Variants in MARCHF8 observed in about 807,000 individuals in gnomAD.
The protein encoded by MARCHF8 is E3 ubiquitin-protein ligase MARCHF8.
MARCHF8 carries 40 observed loss-of-function variants against 51.6 expected under a neutral mutation model. The observed-to-expected ratio is 0.77, with a 90% CI of 0.60 to 1.01. MARCHF8 has a LOEUF of 1.01. MARCHF8 is among the 50% of genes least tolerant of loss of function. The pLI, the probability that MARCHF8 is intolerant of heterozygous loss-of-function variation, is 0.00. For synonymous variants in MARCHF8, 263 were observed against 280.3 expected (o/e 0.94, Z 0.62); for missense variants, 685 against 708.6 (o/e 0.97, Z 0.38).
intron 1 of MARCHF8, among the ~76,000 whole-genome samples, chr10:45,580,784 T>C (rs1480815729): frequency 3.9e-5 from 6 of 152,116 alleles, no homozygotes; most frequent in Non-Finnish European, 1.5e-5. Flanking sequence ...ATTAGTATTG[T>C]GCGCTAGGAC....
Position 45,555,728 on chromosome 10 carries a change from T to G in MARCHF8, c.-78-22439A>C, listed in dbSNP as rs576422430. 2.7e-5 allele frequency among the ~76,000 whole-genome samples: 4 copies of G among 146,776 alleles called. No individual in the cohort carries two copies. In the East Asian group the frequency reaches 7.9e-4, roughly 29 times the overall value. On this transcript the variant is annotated intron_variant, in intron 1 of 6. Coordinates refer to the MARCHF8 transcript ENST00000319836. ...CACTGCACTCCAGCCTGAGCGACATTGTAAGACCCTGTCTCAAAAAAAAAA... is the reference window on the plus strand; with the variant it reads ...CACTGCACTCCAGCCTGAGCGACATGGTAAGACCCTGTCTCAAAAAAAAAA...
chr10:45,510,305 T>A (rs1471226265), intron 2 of MARCHF8, among the ~76,000 whole-genome samples: 1 of 152,144 alleles, frequency 6.6e-6, no homozygotes, highest in African/African-American at 2.4e-5. Context: ...CTATGGTATT[T>A]TCTTATGGCA....
chr10:45,533,529 G>A (rs547881237), intron 1 of MARCHF8, among the ~76,000 whole-genome samples: 1 of 152,234 alleles, frequency 6.6e-6, no homozygotes, highest in Admixed American at 6.5e-5. Context: ...TATAATCAGA[G>A]ATATAATCTT....
chr10:45,577,042 T>C (rs2044498613), intron 1 of MARCHF8, among the ~76,000 whole-genome samples: 2 of 151,232 alleles, frequency 1.3e-5, no homozygotes, highest in African/African-American at 4.9e-5. Flanking sequence ...TATGAGGTGA[T>C]TAAATCATGA....
rs574208091 is a variant in MARCHF8, at chr10:45,563,587, GA to G, written c.-78-30299del. ...AAATACCATAAGAAAAAAATCAAGT[GA>G]AAAAACCTTAATTGTATTTTTAAAA... On this transcript the variant is annotated intron_variant, in intron 1 of 6. Transcript: ENST00000319836. 2.3e-3 allele frequency among the ~76,000 whole-genome samples: 348 copies of G among 152,050 alleles called. 3 individuals carry two copies. Among genetic ancestry groups the G allele is most frequent in the Non-Finnish European group, 3.7e-3 (249 of 67,956 alleles).
chr10:45,534,151 C>T (rs1011906403), intron 1 of MARCHF8, among the ~76,000 whole-genome samples: 28 of 152,168 alleles, frequency 1.8e-4, no homozygotes, highest in African/African-American at 6.0e-4. Flanking sequence ...CCACTGCACT[C>T]CAGCCTGGGT....
chr10:45,474,220 A>G (rs970843472), intron 3 of MARCHF8, among the ~76,000 whole-genome samples: 1 of 152,194 alleles, frequency 6.6e-6, no homozygotes, highest in Non-Finnish European at 1.5e-5. Context: ...GAGATGAGAC[A>G]TATTGTCAAA....
chr10:45,556,864 C>G (rs1342299726), intron 1 of MARCHF8, among the ~76,000 whole-genome samples: 1 of 152,078 alleles, frequency 6.6e-6, no homozygotes, highest in African/African-American at 2.4e-5. Flanking sequence ...TAAATAGAAT[C>G]AAGTATTAAA....
At chr10:45,523,747 T>G (rs2043747168) in intron 2 of MARCHF8, among the ~76,000 whole-genome samples, 1 of 152,154 alleles carries the variant, frequency 6.6e-6, no homozygotes, top group African/African-American at 2.4e-5. Flanking sequence ...TCAACTTATA[T>G]GCAACACACT....
chr10:45,579,958 A>G (rs562608646), intron 1 of MARCHF8, among the ~76,000 whole-genome samples: 1 of 137,672 alleles, frequency 7.3e-6, no homozygotes, highest in African/African-American at 2.7e-5. Context: ...GGTTGCAGTG[A>G]GCCGAGATCA....
chr10:45,557,148 C>T lies in MARCHF8; in HGVS notation c.-78-23859G>A, dbSNP rs149599569. Among the ~76,000 whole-genome samples, 526 of 81,274 alleles carry T rather than the reference C, an allele frequency of 6.5e-3. 2 individuals carry two copies. The highest frequency in any genetic ancestry group is 0.025 in the African/African-American group (498 of 19,758). The allele number at this position is 81,274 out of a possible 152,430, so 53.3% of individuals were successfully genotyped here. A position where few individuals can be genotyped will look rare whatever the true frequency, so the allele number is the denominator to read the frequency against. On this transcript the variant is annotated intron_variant, in intron 1 of 6. Transcript: ENST00000319836. ...TTTTTTTTTTTTTTTTTTTTTGAGA[C>T]GGGAGTTTCGCTCTTGTTGCCTGGA...
rs113451449 is a variant in MARCHF8 at position 45,550,921 on chromosome 10, A to T, written c.-78-17632T>A. Reference sequence around the variant, plus strand: ...CAATATAAGTGATGGTTAATTTCACATGTCAACTTGACTAGGCCACAATAT... The same window carrying T: ...CAATATAAGTGATGGTTAATTTCACTTGTCAACTTGACTAGGCCACAATAT... On this transcript the variant is annotated intron_variant, in intron 1 of 6. Transcript: ENST00000319836. Among the ~76,000 whole-genome samples the T allele has an allele frequency of 7.2e-5, 11 of 152,368 alleles. 2 individuals are homozygous for T. The highest frequency in any genetic ancestry group is 2.2e-4 in the African/African-American group (9 of 41,594).
Position 45,533,610 on chromosome 10 carries a change from T to A in MARCHF8, c.-78-321A>T, listed in dbSNP as rs185330553. ...TTAAGAATATTTTTGAAGTTAAACT[T>A]TTTTTTTTATCATGACCAAGCATTT... On this transcript the variant is annotated intron_variant, in intron 1 of 7. Coordinates refer to ENST00000453424, the MANE Select transcript of MARCHF8 (RefSeq NM_001282866.2). Among the ~76,000 whole-genome samples, 564 of 149,562 alleles carry A rather than the reference T, an allele frequency of 3.8e-3. 6 individuals are homozygous for A. Among genetic ancestry groups the A allele is most frequent in the African/African-American group, 0.013 (523 of 39,638 alleles).
At chr10:45,578,334 T>A (rs1453861918) in intron 1 of MARCHF8, among the ~76,000 whole-genome samples, 1 of 152,184 alleles carries the variant, frequency 6.6e-6, no homozygotes, top group Non-Finnish European at 1.5e-5. Flanking sequence ...GAAGCCAGTT[T>A]GAAAGAGTTT....
At chr10:45,571,170 T>G (rs2044425022) in intron 1 of MARCHF8, among the ~76,000 whole-genome samples, 1 of 151,360 alleles carries the variant, frequency 6.6e-6, no homozygotes. Flanking sequence ...GTTGAAGGAG[T>G]TAATGTCAGG....
intron 3 of MARCHF8, among the ~76,000 whole-genome samples, chr10:45,487,548 T>C (rs572591068): frequency 3.3e-5 from 5 of 152,280 alleles, no homozygotes; most frequent in South Asian, 4.1e-4. Context: ...GGTGCAAAAA[T>C]GGGCAGCAAT....
upstream of MARCHF8, among the ~76,000 whole-genome samples, chr10:45,536,875 A>G (rs2043979124): frequency 6.9e-6 from 1 of 145,898 alleles, no homozygotes; most frequent in East Asian, 2.0e-4. Flanking sequence ...TAATAATAAT[A>G]ATAATAAAGA....
At chr10:45,590,577 T>C (rs2044667126) in intron 1 of MARCHF8, among the ~76,000 whole-genome samples, 1 of 152,132 alleles carries the variant, frequency 6.6e-6, no homozygotes, top group South Asian at 2.1e-4. Flanking sequence ...ATTCTTACCT[T>C]TGAAGAAAAA....
intron 1 of MARCHF8, among the ~76,000 whole-genome samples, chr10:45,546,405 C>T (rs12217545): frequency 0.23 from 34,424 of 151,894 alleles, 4,073 homozygotes; most frequent in South Asian, 0.37. Flanking sequence ...TCAGGCAATC[C>T]GCCCGCCTTG....
Sources: gnomAD v4.1 joint callset for allele counts (sites outside exome capture counted in the v4.1 genomes callset) on GRCh38, gnomAD v4.1.1 for gene constraint, MANE v1.5 for transcripts, NCBI Gene and HGNC (gene_info 2026-07-23, HGNC 2026-07-21) for gene names.